The following PLAA variants were observed in gnomAD, a reference collection of about 807,000 sequenced individuals.
PLAA encodes phospholipase A-2-activating protein.
A neutral mutation model predicts 84.1 loss-of-function variants in PLAA; 48 were observed. The observed-to-expected ratio is 0.57, with a 90% CI of 0.45 to 0.73. The LOEUF is 0.73. Among genes scored for constraint, PLAA ranks in the 30% least tolerant of loss-of-function variants. PLAA has a pLI of 0.00. For synonymous variants in PLAA, 392 were observed against 336.6 expected, an observed-to-expected ratio of 1.16 and a Z score of -1.80; for missense variants, 903 against 954.7, an observed-to-expected ratio of 0.95 and a Z score of 0.71.
chr9:26,926,125 ATT>A (rs374263853), intron 5 of PLAA, among the ~76,000 whole-genome samples, 165 bp from the exon 6 acceptor site: 1 of 152,178 alleles, frequency 6.6e-6, no homozygotes, highest in African/African-American at 2.4e-5. Context: ...TCAAAATCAC[ATT>A]TTTTATTCAT....
chr9:26,939,004 G>A (rs1441242510), intron 1 of PLAA, among the ~76,000 whole-genome samples: 1 of 152,100 alleles, frequency 6.6e-6, no homozygotes, highest in Non-Finnish European at 1.5e-5. Context: ...CAAATTAGAG[G>A]ATTACAACTT....
intron 12 of PLAA, among the ~76,000 whole-genome samples, chr9:26,908,591 G>A (rs577034857): frequency 3.9e-5 from 6 of 152,068 alleles, no homozygotes; most frequent in African/African-American, 7.2e-5. Flanking sequence ...TCAGCCTCCC[G>A]AGTAGCTGGA....
At chr9:26,915,981 TTA>T (rs1824541577) in intron 10 of PLAA, 1 of 985,240 alleles carries the variant, frequency 1.0e-6, no homozygotes, top group Non-Finnish European at 1.2e-6. Flanking sequence ...TGAAATCACA[TTA>T]TGTTATCAAA....
At chr9:26,933,789 A>T (rs1224916375) in intron 2 of PLAA, among the ~76,000 whole-genome samples, 6 of 34,632 alleles carry the variant, frequency 1.7e-4, no homozygotes, top group Non-Finnish European at 1.7e-4. Flanking sequence ...ACTCTGCCTC[A>T]AAAAAAAAAA....
chr9:26,933,959 C>T (rs1370696731), intron 2 of PLAA, among the ~76,000 whole-genome samples: 2 of 152,004 alleles, frequency 1.3e-5, no homozygotes, highest in Non-Finnish European at 2.9e-5. Context: ...CAAGCATGCA[C>T]CACCATGTCC....
rs79826286 is a variant in PLAA at position 26,903,972 on chromosome 9, A to G, written c.*1539T>C. The stretch of plus-strand genomic sequence containing the variant: ...CCAGCCAGACCTGGGTTAAATTCCT[A>G]ATTTTGCCATTTAACTTTGACATAA... On this transcript the variant is annotated 3_prime_UTR_variant, in exon 14 of 14. Transcript: ENST00000397292. The G allele has an allele frequency of 2.6e-5, 4 of 153,768 alleles. No individual in the cohort carries two copies. Among genetic ancestry groups the G allele is most frequent in the African/African-American group, 9.6e-5 (4 of 41,466 alleles). The allele number at this position is 153,768 out of a possible 1,614,324, so 9.5% of individuals were successfully genotyped here. A position where few individuals can be genotyped will look rare whatever the true frequency, so the allele number is the denominator to read the frequency against.
At position 26,924,456 on chromosome 9, in the gene PLAA, A is replaced by G. The variant is rs1392802823; in HGVS notation, c.870-1109T>C. On this transcript the variant is annotated intron_variant, in intron 6 of 13. Transcript: ENST00000397292. ...GCCTTCTTATTGCTTTCAATGCTAGAGTAGCATTATAGAGTAGTCTATGAT... is the reference window on the plus strand; with the variant it reads ...GCCTTCTTATTGCTTTCAATGCTAGGGTAGCATTATAGAGTAGTCTATGAT... 7.9e-5 allele frequency among the ~76,000 whole-genome samples: 12 copies of G among 152,054 alleles called. 1 individual carries two copies. Among genetic ancestry groups the G allele is most frequent in the Admixed American group, 5.9e-4 (9 of 15,252 alleles).
At position 26,913,961 on chromosome 9, in the gene PLAA, A is replaced by C; in HGVS notation, c.1487-14T>G. ...AACGACCAGCACCTACAATACAATAATACTCCTAGTAAGCAAAGGTGACTG... is the reference window on the plus strand; with the variant it reads ...AACGACCAGCACCTACAATACAATACTACTCCTAGTAAGCAAAGGTGACTG... On this transcript the variant is annotated splice_polypyrimidine_tract_variant and intron_variant, in intron 10 of 13. Coordinates refer to ENST00000397292, the MANE Select transcript of PLAA (RefSeq NM_001031689.3). The C allele has an allele frequency of 1.3e-6, 2 of 1,583,352 alleles. 1 individual carries two copies.
chr9:26,923,803 A>G (rs1311056997), intron 6 of PLAA, among the ~76,000 whole-genome samples: 1 of 152,138 alleles, frequency 6.6e-6, no homozygotes, highest in Non-Finnish European at 1.5e-5. Flanking sequence ...CAATCAAGGA[A>G]AAAAAATGGC....
rs959937713 is a variant in PLAA, at chr9:26,947,193, G to A, written c.-148C>T. 1.8e-5 allele frequency: 17 copies of A among 960,982 alleles called. No homozygotes were observed. In the South Asian group the frequency reaches 2.5e-4, roughly 14 times the overall value. The allele number at this position is 960,982 out of a possible 1,614,324, so 59.5% of individuals were successfully genotyped here. ...GAAGAGCCCGAGAGCCGGTACGGAA[G>A]GGCGGCTGGGAAGGGGCGCGCCGAG... On this transcript the variant is annotated 5_prime_UTR_variant, in exon 1 of 14. Transcript: ENST00000397292.
chr9:26,904,733 T>C lies in PLAA; in HGVS notation c.*778A>G, dbSNP rs1284518068. 6.6e-6 allele frequency: 1 copy of C among 152,194 alleles called. No homozygotes were observed. Among genetic ancestry groups the C allele is most frequent in the Non-Finnish European group, 1.5e-5 (1 of 67,988 alleles). 9.4% of individuals were successfully genotyped at this position (152,194 alleles called of 1,614,324 possible). ...TTGCTTATGTAACCACCTGATAAAA[T>C]TCAACATGTTCCAAATTCCCTTTGA... On this transcript the variant is annotated 3_prime_UTR_variant, in exon 14 of 14. Transcript: ENST00000397292.
rs1460031306 is a variant in PLAA at position 26,920,377 on chromosome 9, T to C, written c.1047A>G (p.Arg349=). The change falls in exon 8 of 14, where the codon AGA becomes AGG. Residue 349 remains arginine, a synonymous_variant. Coordinates refer to ENST00000397292, the MANE Select transcript of PLAA (RefSeq NM_001031689.3). ...GREHLNEPGT[R]EGQTRLIRDG... is the part of the protein sequence containing the mutation. ...CTCTGATTAGACGAGTCTGTCCTTCTCTAGTACCTTAAAATAAAAATTTTA... is the reference window on the plus strand; with the variant it reads ...CTCTGATTAGACGAGTCTGTCCTTCCCTAGTACCTTAAAATAAAAATTTTA... 6.3e-7 allele frequency: 1 copy of C among 1,585,488 alleles called. No individual in the cohort carries two copies. The highest frequency in any genetic ancestry group is 8.6e-7 in the Non-Finnish European group (1 of 1,165,064).
At chr9:26,909,711 C>T (rs1234971281) in intron 12 of PLAA, among the ~76,000 whole-genome samples, 1 of 151,984 alleles carries the variant, frequency 6.6e-6, no homozygotes, top group Non-Finnish European at 1.5e-5. Context: ...AACTCCTCCA[C>T]CTCCCAGGTT....
chr9:26,940,733 C>T (rs1825506047), intron 1 of PLAA, among the ~76,000 whole-genome samples: 1 of 152,142 alleles, frequency 6.6e-6, no homozygotes, highest in Non-Finnish European at 1.5e-5. Context: ...GACAAAGAGG[C>T]AGGAACTAAG....
Position 26,946,769 on chromosome 9 carries a change from G to A in PLAA, c.149+128C>T, listed in dbSNP as rs552964150. The A allele has an allele frequency of 4.7e-6, 5 of 1,070,700 alleles. No homozygotes were observed. The South Asian group carries it at 6.7e-5, about 14-fold the overall frequency. 66.3% of individuals were successfully genotyped at this position (1,070,700 alleles called of 1,614,324 possible). A position where few individuals can be genotyped will look rare whatever the true frequency, so the allele number is the denominator to read the frequency against. Reference sequence around the variant, plus strand: ...AGTTCTAATAGTCTGAGAATTGGAAGGGAGCGGAGAGCAGAGGGAAGGCTG... The same window carrying A: ...AGTTCTAATAGTCTGAGAATTGGAAAGGAGCGGAGAGCAGAGGGAAGGCTG... On this transcript the variant is annotated intron_variant, in intron 1 of 13. Coordinates refer to ENST00000397292, the MANE Select transcript of PLAA (RefSeq NM_001031689.3).
In PLAA at chr9:26,906,073, A is replaced by G. The variant is rs149488838; in HGVS notation, c.1826T>C (p.Ile609Thr). ...AAGAATGTCAAGTGCAGGAAAGACA[A>G]TATCTATTAAAAAAAAAAAGTCATT... ...LWKAINCPEDIVFPALDILRL... is the reference protein window; with the variant it reads ...LWKAINCPEDTVFPALDILRL... Residue 609 changes from isoleucine (I) to threonine (T), a missense_variant, in exon 14 of 14, where the codon ATT (isoleucine) becomes ACT (threonine). Coordinates refer to ENST00000397292, the MANE Select transcript of PLAA (RefSeq NM_001031689.3). 82 of 1,487,664 alleles carry G rather than the reference A, an allele frequency of 5.5e-5. No individual in the cohort carries two copies. The highest frequency in any genetic ancestry group is 5.7e-5 in the South Asian group (4 of 69,892). 92.2% of individuals were successfully genotyped at this position (1,487,664 alleles called of 1,614,324 possible).
At chr9:26,946,382 T>C (rs1261174535) in intron 1 of PLAA, among the ~76,000 whole-genome samples, 1 of 151,718 alleles carries the variant, frequency 6.6e-6, no homozygotes, top group African/African-American at 2.4e-5. Flanking sequence ...GAGGTTTCAC[T>C]CCCTCAGGAC....
chr9:26,922,273 TTTG>T (rs1312357691), intron 7 of PLAA, among the ~76,000 whole-genome samples: 1 of 150,736 alleles, frequency 6.6e-6, no homozygotes, highest in Non-Finnish European at 1.5e-5. Context: ...ACTGTTTTTT[TTTG>T]TTTTTATTGT....
chr9:26,920,110 C>A, intron 8 of PLAA, 117 bp downstream of exon 8: 4 of 733,628 alleles, frequency 5.5e-6, no homozygotes, highest in Non-Finnish European at 8.8e-6. Flanking sequence ...TAGTTTCCCA[C>A]AGTAATGGAT....
Sources: gnomAD v4.1 joint callset for allele counts (sites outside exome capture counted in the v4.1 genomes callset) on GRCh38, gnomAD v4.1.1 for gene constraint, MANE v1.5 for transcripts, NCBI Gene and HGNC (gene_info 2026-07-23, HGNC 2026-07-21) for gene names.